Variants in PPP6R3 observed in about 807,000 individuals in gnomAD.
PPP6R3 encodes the protein serine/threonine-protein phosphatase 6 regulatory subunit 3.
In PPP6R3, 38 loss-of-function variants were observed where a neutral mutation model predicts 110.7. That is an observed-to-expected ratio of 0.34 (90% CI 0.26 to 0.45). The LOEUF (loss-of-function observed/expected upper bound fraction) is 0.45, where lower values mean the gene tolerates loss of function less well. Ranked by LOEUF, PPP6R3 falls within the 20% of genes least tolerant of loss-of-function variation. The pLI is 1.00. For missense variants in PPP6R3, 870 were observed against 1,062.4 expected (o/e 0.82, Z 2.52); for synonymous variants, 369 against 373.5 (o/e 0.99, Z 0.14).
At chr11:68,609,103 G>C (rs1285403843) in intron 22 of PPP6R3, among the ~76,000 whole-genome samples, 1 of 152,168 alleles carries the variant, frequency 6.6e-6, no homozygotes, top group African/African-American at 2.4e-5. Context: ...TATGTAAAAA[G>C]GGGAATCCCA....
At chr11:68,599,978 C>T (rs2099626263) in intron 19 of PPP6R3, among the ~76,000 whole-genome samples, 1 of 152,150 alleles carries the variant, frequency 6.6e-6, no homozygotes. Flanking sequence ...AAAAATTAGC[C>T]AGGCGTGATG....
intron 14 of PPP6R3, among the ~76,000 whole-genome samples, chr11:68,581,632 C>T (rs2099554940): frequency 6.6e-6 from 1 of 152,254 alleles, no homozygotes; most frequent in Admixed American, 6.5e-5. Flanking sequence ...TGCTCTTTAA[C>T]ATAGTCCTGT....
rs1440420822 is a variant in PPP6R3, at chr11:68,574,159, C to T, written c.1394C>T (p.Ala465Val). The change falls in exon 13 of 24, where the codon GCT becomes GTT. Residue 465 changes from alanine to valine, a missense_variant. Ala to Val is a moderately conservative substitution (Grantham distance 64). Coordinates refer to ENST00000393800, the MANE Select transcript of PPP6R3 (RefSeq NM_001164161.2). ...TACATGGGACACCTAACGAGGATAG[C>T]TAACTGTATCGTGCACAGCACTGAC... is the stretch of plus-strand genomic sequence containing the variant. ...HGYMGHLTRIANCIVHSTDKG... is the reference protein window; with the variant it reads ...HGYMGHLTRIVNCIVHSTDKG... 5 of 1,613,974 alleles carry T rather than the reference C, an allele frequency of 3.1e-6. No homozygotes were observed. The Admixed American group carries it at 8.3e-5, about 27-fold the overall frequency.
chr11:68,551,207 G>A (rs1316342059), intron 6 of PPP6R3, 21 bp downstream of exon 6: 1 of 1,562,874 alleles, frequency 6.4e-7, no homozygotes, highest in Non-Finnish European at 8.7e-7. Context: ...TTGTGTGACT[G>A]TAAACTTGAT....
At chr11:68,587,822 C>T (rs758772561) in intron 15 of PPP6R3, 105 bp from the exon 16 acceptor site, 2 of 969,234 alleles carry the variant, frequency 2.1e-6, no homozygotes, top group Admixed American at 1.7e-5. Context: ...TTTTATAGCC[C>T]TATGGCTATG....
At position 68,615,246 on chromosome 11, in the gene PPP6R3, A is replaced by G. The variant is rs766830713; in HGVS notation, c.*2129A>G. ...TACTTTTAATTTCTGTGTGTTGGCCATACTGAATTATGAGACTAACAGATG... is the reference window on the plus strand; with the variant it reads ...TACTTTTAATTTCTGTGTGTTGGCCGTACTGAATTATGAGACTAACAGATG... On this transcript the variant is annotated 3_prime_UTR_variant, in exon 24 of 24. Transcript: ENST00000393800. The G allele has an allele frequency of 8.1e-6, 3 of 371,994 alleles. No homozygotes were observed. The highest frequency in any genetic ancestry group is 1.6e-5 in the Non-Finnish European group (3 of 188,040). The allele number at this position is 371,994 out of a possible 1,614,324, so 23.0% of individuals were successfully genotyped here.
chr11:68,579,989 G>C (rs1457406172), intron 14 of PPP6R3, among the ~76,000 whole-genome samples: 1 of 152,210 alleles, frequency 6.6e-6, no homozygotes, highest in Non-Finnish European at 1.5e-5. Context: ...GACTGCGCGT[G>C]TTTCAGATGG....
At chr11:68,602,883 A>T (rs1042911294) in intron 21 of PPP6R3, among the ~76,000 whole-genome samples, 1 of 152,166 alleles carries the variant, frequency 6.6e-6, no homozygotes, top group Non-Finnish European at 1.5e-5. Flanking sequence ...CTCATCACCT[A>T]TGTTGGCTTC....
intron 1 of PPP6R3, among the ~76,000 whole-genome samples, chr11:68,497,944 G>A (rs755309912): frequency 1.3e-5 from 2 of 152,030 alleles, no homozygotes; most frequent in Non-Finnish European, 2.9e-5. Flanking sequence ...TGAGATCATT[G>A]TTGTTTATTG....
chr11:68,464,800 CACT>C (rs1243423491), intron 1 of PPP6R3, among the ~76,000 whole-genome samples: 1 of 151,958 alleles, frequency 6.6e-6, no homozygotes, highest in Non-Finnish European at 1.5e-5. Flanking sequence ...AATAATCTTA[CACT>C]ACTGTAATTT....
chr11:68,558,645 A>T lies in PPP6R3; in HGVS notation c.811A>T (p.Ile271Leu). The T allele has an allele frequency of 6.2e-7, 1 of 1,612,444 alleles. No homozygotes were observed. The change falls in exon 8 of 24, where the codon ATA (isoleucine) becomes TTA (leucine). Residue 271 changes from isoleucine to leucine, a missense_variant. By Grantham distance (5) the Ile-to-Leu change is conservative. Coordinates refer to ENST00000393800, the MANE Select transcript of PPP6R3 (RefSeq NM_001164161.2). ...GTCAGCCATAGTCAGTGCAATCCAG[A>T]TATTGCTGACTTTACTTGAGACACG... ...NESAIVSAIQ[I>L]LLTLLETRRP...
chr11:68,603,772 A>G (rs1401647142), intron 22 of PPP6R3, among the ~76,000 whole-genome samples: 4 of 152,196 alleles, frequency 2.6e-5, no homozygotes. Flanking sequence ...ATCACAATAG[A>G]AATTGGCTTG....
intron 22 of PPP6R3, 45 bp from the exon 23 acceptor site, chr11:68,609,859 T>C: frequency 1.2e-6 from 2 of 1,610,990 alleles, no homozygotes; most frequent in South Asian, 1.1e-5. Context: ...GCCTAGGTGC[T>C]GGTCCCTAGG....
intron 1 of PPP6R3, among the ~76,000 whole-genome samples, chr11:68,466,157 G>C (rs1003715447): frequency 6.6e-6 from 1 of 152,218 alleles, no homozygotes; most frequent in Non-Finnish European, 1.5e-5. Context: ...CTGCATTATG[G>C]ATCTAGGTTG....
At chr11:68,577,689 T>C (rs1163582166) in intron 14 of PPP6R3, among the ~76,000 whole-genome samples, 3 of 152,208 alleles carry the variant, frequency 2.0e-5, no homozygotes, top group Non-Finnish European at 4.4e-5. Context: ...TGTGTGTAAA[T>C]GTTACTACAT....
intron 1 of PPP6R3, among the ~76,000 whole-genome samples, chr11:68,509,340 T>G (rs1327326597): frequency 6.6e-6 from 1 of 152,208 alleles, no homozygotes; most frequent in Non-Finnish European, 1.5e-5. Context: ...TTAAATTCTT[T>G]CCCTGTGAGG....
At position 68,613,821 on chromosome 11, in the gene PPP6R3, G is replaced by C; in HGVS notation, c.*704G>C. On this transcript the variant is annotated 3_prime_UTR_variant, in exon 24 of 24. Transcript: ENST00000393800. The stretch of plus-strand genomic sequence containing the variant: ...TCGTAAAGCCATATGTTCTGTTCAA[G>C]TCTTGTTTGCTTGAAATGATTATTC... 11 of 984,890 alleles carry C rather than the reference G, an allele frequency of 1.1e-5. No individual in the cohort carries two copies. The highest frequency in any genetic ancestry group is 1.3e-5 in the Non-Finnish European group (11 of 829,750). 61.0% of individuals were successfully genotyped at this position (984,890 alleles called of 1,614,324 possible).
At chr11:68,558,834 A>G (rs111701778) in intron 8 of PPP6R3, among the ~76,000 whole-genome samples, 155 bp downstream of exon 8, 3 of 152,362 alleles carry the variant, frequency 2.0e-5, no homozygotes, top group African/African-American at 7.2e-5. Flanking sequence ...TTTTATATGA[A>G]TACCACATAT....
intron 13 of PPP6R3, 29 bp downstream of exon 13, chr11:68,574,253 T>G (rs1272001255): frequency 6.3e-7 from 1 of 1,577,318 alleles, no homozygotes; most frequent in Non-Finnish European, 8.7e-7. Flanking sequence ...TTGAATTACA[T>G]TTTTGTTGGG....
Sources: allele counts gnomAD v4.1 joint callset (sites outside exome capture counted in the v4.1 genomes callset), GRCh38; gene constraint gnomAD v4.1.1; transcripts MANE v1.5; gene names NCBI Gene and HGNC (gene_info 2026-07-23, HGNC 2026-07-21).